Variants in DGKI observed in about 807,000 individuals in gnomAD.
The protein encoded by DGKI is DAG kinase iota.
Under a neutral mutation model 147.5 loss-of-function variants are expected in DGKI, and 55 were observed. The observed-to-expected ratio is 0.37, with a 90% CI of 0.30 to 0.47. DGKI has a LOEUF of 0.47. Ranked by LOEUF, DGKI falls within the 20% of genes least tolerant of loss-of-function variation. The pLI is 1.00. For missense variants in DGKI, 1,007 were observed against 1,323.8 expected, an observed-to-expected ratio of 0.76 and a Z score of 3.71; for synonymous variants, 469 against 477.1, an observed-to-expected ratio of 0.98 and a Z score of 0.22.
Position 137,381,426 on chromosome 7 carries a change from A to C in DGKI, c.*9794T>G, listed in dbSNP as rs1811058230. The C allele has an allele frequency of 6.6e-6, 1 of 150,942 alleles. No homozygotes were observed. Among genetic ancestry groups the C allele is most frequent in the Admixed American group, 6.6e-5 (1 of 15,118 alleles). 9.4% of individuals were successfully genotyped at this position (150,942 alleles called of 1,614,324 possible). ...CACCTGCCAGCTGGCAGCTTTGCAA[A>C]AGCATGGCTCTGGGATGTGATAGGG... On this transcript the variant is annotated 3_prime_UTR_variant, in exon 33 of 33. Transcript: ENST00000614521.
At chr7:137,813,127 C>T (rs571773488) in intron 1 of DGKI, among the ~76,000 whole-genome samples, 49 of 152,226 alleles carry the variant, frequency 3.2e-4, no homozygotes, top group African/African-American at 1.1e-3. Context: ...CAGGGTCCAC[C>T]CACACAGGAA....
intron 1 of DGKI, among the ~76,000 whole-genome samples, chr7:137,769,633 A>G (rs1259030176): frequency 6.6e-6 from 1 of 152,204 alleles, no homozygotes; most frequent in Non-Finnish European, 1.5e-5. Flanking sequence ...TTTACAAGAA[A>G]AAAAAACAAC....
chr7:137,450,597 C>T (rs1585126615), intron 27 of DGKI, among the ~76,000 whole-genome samples: 1 of 152,040 alleles, frequency 6.6e-6, no homozygotes, highest in Admixed American at 6.6e-5. Context: ...TGGCACGCGC[C>T]TATAATCCCA....
At chr7:137,706,654 C>T (rs1359535035) in intron 1 of DGKI, among the ~76,000 whole-genome samples, 1 of 150,988 alleles carries the variant, frequency 6.6e-6, no homozygotes, top group Non-Finnish European at 1.5e-5. Flanking sequence ...ATCACTGCAA[C>T]CTCCGCCTCC....
chr7:137,687,197 C>T (rs1823447946), intron 2 of DGKI, among the ~76,000 whole-genome samples: 1 of 152,178 alleles, frequency 6.6e-6, no homozygotes, highest in African/African-American at 2.4e-5. Flanking sequence ...CCTTCAGAAG[C>T]ACAACTTAGC....
chr7:137,622,845 A>G (rs1408429641), intron 7 of DGKI, among the ~76,000 whole-genome samples: 35 of 152,204 alleles, frequency 2.3e-4, no homozygotes, highest in Admixed American at 2.3e-3. Flanking sequence ...TAAAGTGGGA[A>G]AAAAGGTAGA....
chr7:137,724,613 C>T (rs1794668844), intron 1 of DGKI, among the ~76,000 whole-genome samples: 1 of 152,158 alleles, frequency 6.6e-6, no homozygotes, highest in Admixed American at 6.5e-5. Flanking sequence ...CCAAGGATGA[C>T]TCAAGGTCCC....
intron 21 of DGKI, among the ~76,000 whole-genome samples, chr7:137,512,513 G>T (rs1300194724): frequency 1.3e-5 from 2 of 152,142 alleles, no homozygotes; most frequent in Non-Finnish European, 2.9e-5. Context: ...TGTCAACCTG[G>T]TAAGACAGCA....
intron 1 of DGKI, among the ~76,000 whole-genome samples, chr7:137,758,239 G>C (rs1279862261): frequency 6.6e-6 from 1 of 152,192 alleles, no homozygotes; most frequent in African/African-American, 2.4e-5. Flanking sequence ...TGAGCCCCTG[G>C]GTGAGCTATG....
chr7:137,431,648 T>G (rs945136074), intron 28 of DGKI, among the ~76,000 whole-genome samples: 1 of 152,178 alleles, frequency 6.6e-6, no homozygotes, highest in African/African-American at 2.4e-5. Flanking sequence ...CAAAATACTT[T>G]CCAAAATTTA....
chr7:137,599,617 T>C (rs566604945), intron 11 of DGKI, among the ~76,000 whole-genome samples: 1 of 152,276 alleles, frequency 6.6e-6, no homozygotes, highest in South Asian at 2.1e-4. Context: ...CCTGAGTTAA[T>C]AGCTGAGAAG....
chr7:137,750,606 T>C (rs1236966629), intron 1 of DGKI, among the ~76,000 whole-genome samples: 1 of 152,172 alleles, frequency 6.6e-6, no homozygotes, highest in East Asian at 1.9e-4. Context: ...GCTGTGGGTA[T>C]TCAGGGCAGC....
intron 12 of DGKI, among the ~76,000 whole-genome samples, chr7:137,595,683 G>T (rs368693837): frequency 3.9e-4 from 59 of 152,182 alleles, no homozygotes; most frequent in African/African-American, 1.2e-3. Flanking sequence ...ACCTAGCACA[G>T]TGCTTCCTCC....
chr7:137,707,842 G>C (rs1794087562), intron 1 of DGKI, among the ~76,000 whole-genome samples: 1 of 152,116 alleles, frequency 6.6e-6, no homozygotes, highest in East Asian at 1.9e-4. Flanking sequence ...CAACCATCCT[G>C]ACCAAGATCT....
chr7:137,427,169 A>G (rs1192494967), intron 28 of DGKI, among the ~76,000 whole-genome samples: 2 of 152,114 alleles, frequency 1.3e-5, no homozygotes, highest in African/African-American at 4.8e-5. Context: ...TCCTCAGCAA[A>G]TGTAAAAGAA....
At chr7:137,504,568 C>T (rs1043532713) in intron 21 of DGKI, among the ~76,000 whole-genome samples, 1 of 152,044 alleles carries the variant, frequency 6.6e-6, no homozygotes, top group Non-Finnish European at 1.5e-5. Flanking sequence ...ATATGGTAAA[C>T]CATCAAAATA....
At chr7:137,423,385 G>C (rs1167767666) in intron 28 of DGKI, among the ~76,000 whole-genome samples, 2 of 152,178 alleles carry the variant, frequency 1.3e-5, no homozygotes, top group Non-Finnish European at 2.9e-5. Flanking sequence ...TGTCCTTCAA[G>C]GCCTCTGAAA....
At chr7:137,482,142 T>C (rs1001648608) in intron 23 of DGKI, among the ~76,000 whole-genome samples, 16 of 152,214 alleles carry the variant, frequency 1.1e-4, no homozygotes, top group African/African-American at 3.9e-4. Flanking sequence ...ATGTGTTTTA[T>C]AATACACACA....
At chr7:137,523,354 T>G (rs75322447) in intron 20 of DGKI, among the ~76,000 whole-genome samples, 2,242 of 152,060 alleles carry the variant, frequency 0.015, 60 homozygotes, top group African/African-American at 0.051. Flanking sequence ...GAATCCCACT[T>G]TACTCACCCA....
Sources: gnomAD v4.1 joint callset for allele counts (sites outside exome capture counted in the v4.1 genomes callset) on GRCh38, gnomAD v4.1.1 for gene constraint, MANE v1.5 for transcripts, NCBI Gene and HGNC (gene_info 2026-07-23, HGNC 2026-07-21) for gene names.